ASB3: variants seen among roughly 807,000 people sequenced by gnomAD.
ASB3 encodes the protein ankyrin repeat and SOCS box protein 3.
A neutral mutation model predicts 54.5 loss-of-function variants in ASB3; 41 were observed. The ratio of observed to expected loss-of-function variants is 0.75; its 90% confidence interval spans 0.59 to 0.98. The LOEUF (loss-of-function observed/expected upper bound fraction) is 0.98, where lower values mean the gene tolerates loss of function less well. Ranked by LOEUF, ASB3 falls within the 50% of genes least tolerant of loss-of-function variation. ASB3 has a pLI of 0.00. For synonymous variants in ASB3, 266 were observed against 221.2 expected (o/e 1.20, Z -1.80); for missense variants, 733 against 620.0 (o/e 1.18, Z -1.94).
At position 53,750,828 on chromosome 2, in the gene ASB3, C is replaced by T. The variant is rs1449546507; in HGVS notation, c.310G>A (p.Asp104Asn). The T allele has an allele frequency of 6.2e-6, 10 of 1,600,516 alleles. No homozygotes were observed. Among genetic ancestry groups the T allele is most frequent in the Non-Finnish European group, 7.7e-6 (9 of 1,173,586 alleles). The change falls in exon 3 of 10, where the codon GAT (aspartate) becomes AAT (asparagine). Residue 104 changes from aspartate to asparagine, a missense_variant. Transcript: ENST00000263634. ...IVQILLEAGADPNATTLEETT... is the reference protein window; with the variant it reads ...IVQILLEAGANPNATTLEETT... The stretch of plus-strand genomic sequence containing the variant: ...TCTTCTAAAGTAGTTGCATTAGGAT[C>T]TGCCCCAGCTTCTAAAAGAATCTGT...
At chr2:53,766,186 C>T (rs577982938) in intron 1 of ASB3, among the ~76,000 whole-genome samples, 1 of 152,306 alleles carries the variant, frequency 6.6e-6, no homozygotes, top group African/African-American at 2.4e-5. Flanking sequence ...ACTGACTGAG[C>T]ATACTGAAAC....
chr2:53,769,080 A>C (rs1041059072), intron 1 of ASB3, among the ~76,000 whole-genome samples: 4 of 152,254 alleles, frequency 2.6e-5, no homozygotes, highest in African/African-American at 7.2e-5. Flanking sequence ...GGACACAGTG[A>C]CCTGAAAAGG....
chr2:53,735,710 A>G (rs1364737194), intron 3 of ASB3, among the ~76,000 whole-genome samples: 2 of 152,114 alleles, frequency 1.3e-5, no homozygotes, highest in African/African-American at 2.4e-5. Context: ...AATCATGTAG[A>G]ATAAAGCCAG....
At chr2:53,726,585 CAT>C (rs749461698) in intron 5 of ASB3, among the ~76,000 whole-genome samples, 60 of 149,818 alleles carry the variant, frequency 4.0e-4, no homozygotes, top group African/African-American at 1.3e-3. Context: ...ATTAATTAAA[CAT>C]ATATATATAT....
At chr2:53,701,437 C>G (rs959502846) in intron 7 of ASB3, among the ~76,000 whole-genome samples, 2 of 152,132 alleles carry the variant, frequency 1.3e-5, no homozygotes, top group Middle Eastern at 3.4e-3. Context: ...GATATCAAAC[C>G]AAAATCTAAC....
chr2:53,751,678 A>C (rs1441502637), intron 2 of ASB3, among the ~76,000 whole-genome samples: 1 of 152,182 alleles, frequency 6.6e-6, no homozygotes, highest in African/African-American at 2.4e-5. Context: ...CAGAAAATAA[A>C]AAAAAAAACT....
chr2:53,739,234 A>C (rs931778329), intron 3 of ASB3, among the ~76,000 whole-genome samples: 1 of 152,214 alleles, frequency 6.6e-6, no homozygotes, highest in Non-Finnish European at 1.5e-5. Context: ...AAATTGAGAA[A>C]CTAGAAGCAG....
chr2:53,674,224 T>C (rs1667965009), intron 9 of ASB3, among the ~76,000 whole-genome samples: 1 of 152,170 alleles, frequency 6.6e-6, no homozygotes, highest in Admixed American at 6.5e-5. Context: ...GTTCTTGGAT[T>C]ATGGCAGTGA....
At chr2:53,741,992 A>G (rs2103967803) in intron 3 of ASB3, among the ~76,000 whole-genome samples, 1 of 152,260 alleles carries the variant, frequency 6.6e-6, no homozygotes. Context: ...AGCAAAGAAC[A>G]CTTCTCAAAG....
chr2:53,683,015 G>C (rs548853429), intron 9 of ASB3, among the ~76,000 whole-genome samples: 1 of 152,182 alleles, frequency 6.6e-6, no homozygotes, highest in Admixed American at 6.5e-5. Flanking sequence ...CTACTGTGTT[G>C]AATCATAGTG....
In ASB3 at chr2:53,765,488, G is replaced by C; in HGVS notation, c.85C>G (p.Leu29Val). 4 of 1,614,230 alleles carry C rather than the reference G, an allele frequency of 2.5e-6. No homozygotes were observed. The highest frequency in any genetic ancestry group is 2.5e-6 in the Non-Finnish European group (3 of 1,180,034). Residue 29 changes from leucine (L) to valine (V), a missense_variant, in exon 2 of 10, where the codon CTG becomes GTG. Leu to Val is a conservative substitution (Grantham distance 32). Coordinates refer to ENST00000263634, the MANE Select transcript of ASB3 (RefSeq NM_016115.5). ...TCGACACTTCGGCCCTTTTTGAGCAGTTTCCTTAAGACTTTAACATTGCCT... is the reference window on the plus strand; with the variant it reads ...TCGACACTTCGGCCCTTTTTGAGCACTTTCCTTAAGACTTTAACATTGCCT... ...REGNVKVLRKLLKKGRSVDVA... is the reference protein window; with the variant it reads ...REGNVKVLRKVLKKGRSVDVA...
rs529327977 is a variant in ASB3 at position 53,755,640 on chromosome 2, T to C, written c.197-4699A>G. ...AGAAAAGGTTATATATAAAATAATT[T>C]CCACAATGCAAGGAATTGTATTATG... On this transcript the variant is annotated intron_variant, in intron 2 of 9. Coordinates refer to ENST00000263634, the MANE Select transcript of ASB3 (RefSeq NM_016115.5). Among the ~76,000 whole-genome samples, 3 of 152,350 alleles carry C rather than the reference T, an allele frequency of 2.0e-5. No individual in the cohort carries two copies. In the East Asian group the frequency reaches 5.8e-4, roughly 29 times the overall value.
At chr2:53,682,368 T>A (rs1391239114) in intron 9 of ASB3, among the ~76,000 whole-genome samples, 2 of 152,196 alleles carry the variant, frequency 1.3e-5, no homozygotes, top group Non-Finnish European at 2.9e-5. Context: ...TTTACAGCTT[T>A]CATTGTAGAG....
chr2:53,686,706 T>TATTC (rs1274982161), intron 9 of ASB3, among the ~76,000 whole-genome samples: 30 of 151,970 alleles, frequency 2.0e-4, no homozygotes, highest in African/African-American at 7.0e-4. Flanking sequence ...AATTTCTCCT[T>TATTC]ATTTATTTAT....
intron 2 of ASB3, among the ~76,000 whole-genome samples, chr2:53,755,891 C>T (rs1030373119): frequency 3.9e-5 from 6 of 152,130 alleles, no homozygotes; most frequent in African/African-American, 1.4e-4. Context: ...GTGGCTCATG[C>T]CTGTAATCCC....
chr2:53,706,662 G>T (rs966748493), intron 7 of ASB3, among the ~76,000 whole-genome samples: 1 of 152,088 alleles, frequency 6.6e-6, no homozygotes, highest in South Asian at 2.1e-4. Context: ...AGCCAGGATG[G>T]TCTCAATCTC....
intron 1 of ASB3, among the ~76,000 whole-genome samples, chr2:53,780,324 C>T (rs563182364): frequency 6.6e-6 from 1 of 152,226 alleles, no homozygotes; most frequent in African/African-American, 2.4e-5. Context: ...TTCTTTAAGA[C>T]CTAGCTCAAA....
chr2:53,765,689 T>G, intron 1 of ASB3, 104 bp from the exon 2 acceptor site: 1 of 1,352,030 alleles, frequency 7.4e-7, no homozygotes. Context: ...CTCACATGAC[T>G]GACGAAGAAG....
intron 5 of ASB3, among the ~76,000 whole-genome samples, chr2:53,720,138 CA>C (rs199786882): frequency 0.52 from 73,076 of 140,964 alleles, 18,236 homozygotes; most frequent in African/African-American, 0.6. Context: ...ATCAGAAACT[CA>C]AAAAAAAAAA....
Sources: allele counts gnomAD v4.1 joint callset (sites outside exome capture counted in the v4.1 genomes callset), GRCh38; gene constraint gnomAD v4.1.1; transcripts MANE v1.5; gene names NCBI Gene and HGNC (gene_info 2026-07-23, HGNC 2026-07-21).